The following SUPT3H variants were observed in gnomAD, a reference collection of about 807,000 sequenced individuals.
SUPT3H encodes the protein transcription initiation protein SPT3 homolog.
In SUPT3H, 44 loss-of-function variants were observed where a neutral mutation model predicts 44.3. The ratio of observed to expected loss-of-function variants is 0.99; its 90% CI spans 0.78 to 1.28. The LOEUF (loss-of-function observed/expected upper bound fraction) is 1.28, where lower values mean the gene tolerates loss of function less well. SUPT3H is among the 50% of genes most tolerant of loss of function. The pLI is 0.00. For missense variants in SUPT3H, 380 were observed against 387.1 expected, an observed-to-expected ratio of 0.98 and a Z score of 0.15; for synonymous variants, 124 against 125.6, an observed-to-expected ratio of 0.99 and a Z score of 0.09.
chr6:44,943,183 A>G (rs1034885694), intron 9 of SUPT3H, among the ~76,000 whole-genome samples: 1 of 148,740 alleles, frequency 6.7e-6, no homozygotes, highest in Non-Finnish European at 1.5e-5. Context: ...GATAAATGGA[A>G]ACTATAAAAA....
chr6:45,153,398 GAAC>G (rs1234703587), intron 2 of SUPT3H, among the ~76,000 whole-genome samples: 1 of 152,062 alleles, frequency 6.6e-6, no homozygotes, highest in Non-Finnish European at 1.5e-5. Flanking sequence ...CACTTAATAG[GAAC>G]AACAAGTAGA....
At chr6:44,809,835 T>C (rs1318094524) in intron 11 of SUPT3H, among the ~76,000 whole-genome samples, 4 of 152,104 alleles carry the variant, frequency 2.6e-5, no homozygotes, top group South Asian at 2.1e-4. Flanking sequence ...TCCCACTTAA[T>C]AGATGAGGAA....
intron 2 of SUPT3H, among the ~76,000 whole-genome samples, chr6:45,294,071 G>C (rs779128583): frequency 3.9e-5 from 6 of 152,086 alleles, no homozygotes; most frequent in Non-Finnish European, 5.9e-5. Context: ...GATGAACACA[G>C]ATACTAAAAT....
At chr6:45,025,010 T>G (rs1411435255) in intron 3 of SUPT3H, among the ~76,000 whole-genome samples, 1 of 152,214 alleles carries the variant, frequency 6.6e-6, no homozygotes, top group Non-Finnish European at 1.5e-5. Flanking sequence ...GCTTGCCAAA[T>G]GAAGATTTTG....
intron 6 of SUPT3H, among the ~76,000 whole-genome samples, chr6:44,994,712 T>C (rs1461760537): frequency 1.3e-5 from 2 of 152,112 alleles, no homozygotes; most frequent in Non-Finnish European, 1.5e-5. Flanking sequence ...CTATAGTCAT[T>C]TGTGCTCCTA....
chr6:44,809,430 C>T (rs374282728), exon 12 of SUPT3H: 1 of 152,196 alleles, frequency 6.6e-6, no homozygotes, highest in African/African-American at 2.4e-5. Flanking sequence ...GTTTTGAGAG[C>T]AGGTCTGTCA....
chr6:44,979,150 T>C (rs1582872339), intron 6 of SUPT3H, among the ~76,000 whole-genome samples: 1 of 152,212 alleles, frequency 6.6e-6, no homozygotes, highest in East Asian at 1.9e-4. Flanking sequence ...CTTTGCATAA[T>C]GTTCTTTAGA....
intron 2 of SUPT3H, among the ~76,000 whole-genome samples, chr6:45,208,654 G>A (rs1763583811): frequency 6.6e-6 from 1 of 151,646 alleles, no homozygotes; most frequent in African/African-American, 2.4e-5. Context: ...AACACAGGAG[G>A]TGGAGGTTGC....
At chr6:45,032,025 A>G (rs1038707861) in intron 3 of SUPT3H, among the ~76,000 whole-genome samples, 1 of 152,196 alleles carries the variant, frequency 6.6e-6, no homozygotes, top group African/African-American at 2.4e-5. Flanking sequence ...GGATTATAGC[A>G]ATGCAATTGC....
intron 10 of SUPT3H, among the ~76,000 whole-genome samples, chr6:44,897,332 C>G (rs1240139719): frequency 6.6e-6 from 1 of 152,090 alleles, no homozygotes; most frequent in African/African-American, 2.4e-5. Flanking sequence ...CATTAGTCAT[C>G]CTATAGAAAT....
chr6:45,132,682 A>G (rs896781988), intron 2 of SUPT3H, among the ~76,000 whole-genome samples: 6 of 152,222 alleles, frequency 3.9e-5, no homozygotes, highest in Admixed American at 6.5e-5. Flanking sequence ...GAAGAACCCA[A>G]TGGAAAATAA....
chr6:44,956,830 CA>C (rs1775294197), intron 7 of SUPT3H, among the ~76,000 whole-genome samples: 1 of 152,160 alleles, frequency 6.6e-6, no homozygotes, highest in Non-Finnish European at 1.5e-5. Context: ...CTACTCTAGC[CA>C]TTTATTGAAC....
chr6:45,111,376 ATC>A (rs1800033385), intron 2 of SUPT3H, among the ~76,000 whole-genome samples: 1 of 152,044 alleles, frequency 6.6e-6, no homozygotes, highest in African/African-American at 2.4e-5. Context: ...GTGTTAGAAA[ATC>A]TTTTTGCATT....
chr6:45,195,002 A>G (rs1288608958), intron 2 of SUPT3H, among the ~76,000 whole-genome samples: 1 of 152,178 alleles, frequency 6.6e-6, no homozygotes, highest in African/African-American at 2.4e-5. Context: ...TTCAGTTGAA[A>G]TCTGTGAATC....
At chr6:45,336,151 A>G (rs1407102054) in intron 2 of SUPT3H, among the ~76,000 whole-genome samples, 1 of 151,176 alleles carries the variant, frequency 6.6e-6, no homozygotes, top group Non-Finnish European at 1.5e-5. Context: ...ACACATATAC[A>G]TTATTTCTCT....
intron 10 of SUPT3H, among the ~76,000 whole-genome samples, chr6:44,880,775 A>C (rs1271561717): frequency 6.6e-6 from 1 of 152,188 alleles, no homozygotes; most frequent in African/African-American, 2.4e-5. Flanking sequence ...GCCAATATTC[A>C]ACATTCTTAA....
At chr6:45,317,794 A>G (rs1784927084) in intron 2 of SUPT3H, among the ~76,000 whole-genome samples, 1 of 152,160 alleles carries the variant, frequency 6.6e-6, no homozygotes, top group South Asian at 2.1e-4. Context: ...AATGTTTTGG[A>G]TATGACCCCA....
In SUPT3H at chr6:45,364,522, T is replaced by C. The variant is rs192990919; in HGVS notation, c.101+679A>G. On this transcript the variant is annotated intron_variant, in intron 2 of 10. Coordinates refer to ENST00000371459, the MANE Select transcript of SUPT3H (RefSeq NM_003599.4). ...ACCTTATACAGACAAAATTGTCTCC[T>C]GAACCAATATAATGAAAAACTACTA... Among the ~76,000 whole-genome samples the C allele has an allele frequency of 5.1e-4, 77 of 150,124 alleles. 1 individual carries two copies. In the East Asian group the frequency reaches 0.013, roughly 25 times the overall value.
At chr6:45,073,819 T>C (rs1562400560) in intron 3 of SUPT3H, among the ~76,000 whole-genome samples, 2 of 151,944 alleles carry the variant, frequency 1.3e-5, no homozygotes, top group African/African-American at 4.8e-5. Context: ...AAGGTGAGAA[T>C]AGGAGGAGGG....
Sources: allele counts gnomAD v4.1 joint callset (sites outside exome capture counted in the v4.1 genomes callset), GRCh38; gene constraint gnomAD v4.1.1; transcripts MANE v1.5; gene names NCBI Gene and HGNC (gene_info 2026-07-23, HGNC 2026-07-21).